CARNS1: variants seen among roughly 807,000 people sequenced by gnomAD.
The protein encoded by CARNS1 is ATP-grasp domain containing 1.
A neutral mutation model predicts 74.0 loss-of-function variants in CARNS1; 61 were observed. The observed-to-expected ratio is 0.82, with a 90% CI of 0.67 to 1.02. The LOEUF (loss-of-function observed/expected upper bound fraction) is 1.02. Ranked by LOEUF, CARNS1 falls within the 50% of genes least tolerant of loss-of-function variation. The pLI, the probability that CARNS1 is intolerant of heterozygous loss-of-function variation, is 0.00. For missense variants in CARNS1, 1,278 were observed against 1,308.4 expected (o/e 0.98, Z 0.36); for synonymous variants, 568 against 605.5 (o/e 0.94, Z 0.91).
Position 67,424,269 on chromosome 11 carries a change from G to A in CARNS1, c.2521G>A (p.Val841Met). ...GVDLLLAAVM[V>M]ACGLRPALPT... ...TGACCTGCTGCTGGCTGCTGTTATG[G>A]TGGCCTGTGGCTTGCGTCCTGCCCT... Residue 841 changes from valine to methionine, a missense_variant, in exon 10 of 10, where the codon GTG becomes ATG. Coordinates refer to ENST00000687366, the MANE Select transcript of CARNS1 (RefSeq NM_001166222.2). 1 of 1,613,372 alleles carries A rather than the reference G, an allele frequency of 6.2e-7. No individual in the cohort carries two copies.
Position 67,424,861 on chromosome 11 carries a change from C to CCCCACACACACACACA in CARNS1, c.*261_*262insCCACACACACACACAC, listed in dbSNP as rs112155556. 1.2e-5 allele frequency: 6 copies of CCCCACACACACACACA among 508,874 alleles called. No homozygotes were observed. Among genetic ancestry groups the CCCCACACACACACACA allele is most frequent in the African/African-American group, 1.1e-4 (5 of 47,592 alleles). The allele number at this position is 508,874 out of a possible 1,614,324, so 31.5% of individuals were successfully genotyped here. ...TCTAGCCTTGGAGAAATGACAATGG[C>CCCCACACACACACACA]CACACACACACACACACACACACAC... is the stretch of plus-strand genomic sequence containing the variant. On this transcript the variant is annotated 3_prime_UTR_variant, in exon 10 of 10. Coordinates refer to ENST00000687366, the MANE Select transcript of CARNS1 (RefSeq NM_001166222.2).
chr11:67,419,161 G>C lies in CARNS1; in HGVS notation c.770G>C (p.Ser257Thr). 1 of 1,553,448 alleles carries C rather than the reference G, an allele frequency of 6.4e-7. No individual in the cohort carries two copies. The highest frequency in any genetic ancestry group is 8.7e-7 in the Non-Finnish European group (1 of 1,145,774). The stretch of plus-strand genomic sequence containing the variant: ...CTAGGGCTACGGCTGGTGGAGCTGA[G>C]TGGCAAAGAGGGCCAGGAGACGCTG... ...ASLGLRLVEL[S>T]GKEGQETLVK... The change falls in exon 5 of 10, where the codon AGT (serine) becomes ACT (threonine). Residue 257 changes from serine to threonine, a missense_variant. Transcript: ENST00000687366.
At position 67,419,523 on chromosome 11, in the gene CARNS1, C is replaced by T. The variant is rs765868422; in HGVS notation, c.889C>T (p.Arg297Trp). The T allele has an allele frequency of 1.7e-5, 28 of 1,609,404 alleles. No homozygotes were observed. The highest frequency in any genetic ancestry group is 2.2e-5 in the East Asian group (1 of 44,802). Reference sequence around the variant, plus strand: ...GCTCAGTGGCTGGCGCTGGCGGGGGCGGCAGGCATGGCGTCTGCACCCGCG... The same window carrying T: ...GCTCAGTGGCTGGCGCTGGCGGGGGTGGCAGGCATGGCGTCTGCACCCGCG... ...VKLSGWRWRG[R>W]QAWRLHPRAE... Residue 297 changes from arginine (R) to tryptophan (W), a missense_variant, in exon 6 of 10, where the codon CGG becomes TGG. Arg to Trp is a moderately radical substitution (Grantham distance 101, BLOSUM62 -3). Around this residue, in one of 3 missense-constraint regions of CARNS1, gnomAD observed 1,164 missense variants for 1,156.5 expected, o/e 1.01. Transcript: ENST00000687366.
rs909496600 is a variant in CARNS1 at position 67,425,357 on chromosome 11, C to T, written c.*756C>T. ...GCCCATTCAGCTTCTAGGCCCCCCT[C>T]ACCTCCCTGCCCTCATTCACAAGTG... On this transcript the variant is annotated 3_prime_UTR_variant, in exon 10 of 10. Coordinates refer to ENST00000687366, the MANE Select transcript of CARNS1 (RefSeq NM_001166222.2). 23 of 321,284 alleles carry T rather than the reference C, an allele frequency of 7.2e-5. No individual in the cohort carries two copies. Among genetic ancestry groups the T allele is most frequent in the Middle Eastern group, 2.4e-3 (2 of 850 alleles). 19.9% of individuals were successfully genotyped at this position (321,284 alleles called of 1,614,324 possible).
rs983626142 is a variant in CARNS1, at chr11:67,417,424, G to A, written c.21G>A (p.Ser7=). 94 of 1,389,046 alleles carry A rather than the reference G, an allele frequency of 6.8e-5. No individual in the cohort carries two copies. Among genetic ancestry groups the A allele is most frequent in the Middle Eastern group, 1.8e-4 (1 of 5,446 alleles). 86.0% of individuals were successfully genotyped at this position (1,389,046 alleles called of 1,614,324 possible). A position where few individuals can be genotyped will look rare whatever the true frequency, so the allele number is the denominator to read the frequency against. Reference sequence around the variant, plus strand: ...CCTCTCAGCTCTCCCTGGATCCATCGGGTCCCGAGTGGGATTGCCCACTGG... The same window carrying A: ...CCTCTCAGCTCTCCCTGGATCCATCAGGTCCCGAGTGGGATTGCCCACTGG... The part of the protein sequence containing the change: MLSLDP[S]GPEWDCPLGS... The change falls in exon 3 of 10, where the codon TCG becomes TCA. Residue 7 remains serine (S), a synonymous_variant. Coordinates refer to ENST00000687366, the MANE Select transcript of CARNS1 (RefSeq NM_001166222.2).
intron 7 of CARNS1, among the ~76,000 whole-genome samples, chr11:67,420,322 T>TAGGGTGGGGCACACC (rs1257582192): frequency 2.6e-5 from 4 of 151,462 alleles, no homozygotes; most frequent in Non-Finnish European, 5.9e-5. Context: ...AGGGAGATGC[T>TAGGGTGGGGCACACC]AGGGTGGGGC....
At chr11:67,420,881 C>A in intron 8 of CARNS1, 41 bp downstream of exon 8, 1 of 1,305,366 alleles carries the variant, frequency 7.7e-7, no homozygotes, top group Non-Finnish European at 9.7e-7. Context: ...GAGCCGAGGG[C>A]CAGGGGCTGG....
At position 67,420,665 on chromosome 11, in the gene CARNS1, G is replaced by C; in HGVS notation, c.1170G>C (p.Pro390=). The C allele has an allele frequency of 7.9e-7, 1 of 1,259,142 alleles. No homozygotes were observed. Among genetic ancestry groups the C allele is most frequent in the Non-Finnish European group, 1.0e-6 (1 of 1,003,970 alleles). The allele number at this position is 1,259,142 out of a possible 1,614,324, so 78.0% of individuals were successfully genotyped here. The change falls in exon 8 of 10, where the codon CCG becomes CCC. Residue 390 remains proline, a synonymous_variant. Transcript: ENST00000687366. The stretch of plus-strand genomic sequence containing the variant: ...CTCTACGGCACCACAACTCCCTGCC[G>C]AGGACGCTGGAGGTGGCGCTGGCCC... ...DRPLRHHNSL[P]RTLEVALAQC...
chr11:67,415,910 A>C, intron 1 of CARNS1, 147 bp downstream of exon 1: 2 of 287,948 alleles, frequency 6.9e-6, no homozygotes, highest in Non-Finnish European at 1.3e-5. Flanking sequence ...GGTGCCCCCA[A>C]CTCCCCCCCG....
rs775799244 is a variant in CARNS1, at chr11:67,423,821, G to A, written c.2073G>A (p.Ala691=). 21 of 1,609,256 alleles carry A rather than the reference G, an allele frequency of 1.3e-5. No individual in the cohort carries two copies. The highest frequency in any genetic ancestry group is 1.6e-4 in the Middle Eastern group (1 of 6,078). The part of the protein sequence containing the change: ...GAVGVRLVED[A]PQCHEHFSRI... ...TGGGTGTCCGGCTGGTAGAGGATGC[G>A]CCACAGTGCCATGAGCACTTTTCCC... The change falls in exon 10 of 10, where the codon GCG becomes GCA. Residue 691 remains alanine, a synonymous_variant. Coordinates refer to ENST00000687366, the MANE Select transcript of CARNS1 (RefSeq NM_001166222.2). The surrounding 1 kb of genome is among the most constrained non-coding windows in gnomAD (Gnocchi z 5.1).
In CARNS1 at chr11:67,417,519, C is replaced by A; in HGVS notation, c.116C>A (p.Pro39His). Residue 39 changes from proline (P) to histidine (H), a missense_variant, in exon 3 of 10, where the codon CCT becomes CAT. Physicochemically the swap from Pro to His is moderately conservative, Grantham distance 77 (BLOSUM62 -2). Transcript: ENST00000687366. ...GSGLPPTGCF[P>H]GSWRQDVGLD... is the part of the protein sequence containing the mutation. ...GGCCTGCCGCCCACAGGCTGCTTCC[C>A]TGGCTCCTGGCGCCAGGACGTGGGC... 7.0e-7 allele frequency: 1 copy of A among 1,425,318 alleles called. No homozygotes were observed. Among genetic ancestry groups the A allele is most frequent in the Admixed American group, 2.9e-5 (1 of 34,068 alleles). 88.3% of individuals were successfully genotyped at this position (1,425,318 alleles called of 1,614,324 possible).
chr11:67,418,537 GT>G lies in CARNS1; in HGVS notation c.364+20del. On this transcript the variant is annotated intron_variant, in intron 4 of 9. Transcript: ENST00000687366. ...AGAGCCCGGGTGAGTGTATGCTCAA[GT>G]TTCCCCATCCCCTTCTACAGAAAGG... The G allele has an allele frequency of 6.5e-7, 1 of 1,527,336 alleles. No individual in the cohort carries two copies. 94.6% of individuals were successfully genotyped at this position (1,527,336 alleles called of 1,614,324 possible).
Position 67,424,715 on chromosome 11 carries a change from C to A in CARNS1, c.*114C>A. 8.2e-7 allele frequency: 1 copy of A among 1,219,534 alleles called. No individual in the cohort carries two copies. 75.5% of individuals were successfully genotyped at this position (1,219,534 alleles called of 1,614,324 possible). On this transcript the variant is annotated 3_prime_UTR_variant, in exon 10 of 10. Transcript: ENST00000687366. ...TCACCATGCCCCAGCCCCAGCCTGG[C>A]CCGCTGCAATGCCTAGGTCTGTTCC... is the stretch of plus-strand genomic sequence containing the variant.
chr11:67,421,954 C>T (rs1206677176), intron 9 of CARNS1, among the ~76,000 whole-genome samples: 1 of 151,122 alleles, frequency 6.6e-6, no homozygotes, highest in Non-Finnish European at 1.5e-5. Context: ...GTGGCGTGAT[C>T]TCGGCTCACT....
In CARNS1 at chr11:67,424,709, G is replaced by T; in HGVS notation, c.*108G>T. ...TCCCCATCACCATGCCCCAGCCCCA[G>T]CCTGGCCCGCTGCAATGCCTAGGTC... On this transcript the variant is annotated 3_prime_UTR_variant, in exon 10 of 10. Transcript: ENST00000687366. 2.4e-6 allele frequency: 3 copies of T among 1,255,942 alleles called. No individual in the cohort carries two copies. Among genetic ancestry groups the T allele is most frequent in the Non-Finnish European group, 3.2e-6 (3 of 928,800 alleles). The allele number at this position is 1,255,942 out of a possible 1,614,324, so 77.8% of individuals were successfully genotyped here. A position where few individuals can be genotyped will look rare whatever the true frequency, so the allele number is the denominator to read the frequency against.
At position 67,419,633 on chromosome 11, in the gene CARNS1, GTACCCACC is replaced by G; in HGVS notation, c.1001_1008del (p.Tyr334CysfsTer29). Reference sequence around the variant, plus strand: ...AGGAGAGTGTCCTGGTGGAGGCTGTGTACCCACCTGCCCAGCTGCCCTGCTCAGGTGAG... The same window carrying G: ...AGGAGAGTGTCCTGGTGGAGGCTGTGTGCCCAGCTGCCCTGCTCAGGTGAG... On this transcript the variant is annotated frameshift_variant, in exon 6 of 10. Transcript: ENST00000687366. LOFTEE classifies it high-confidence loss of function. 2.5e-6 allele frequency: 4 copies of G among 1,599,294 alleles called. No homozygotes were observed. The highest frequency in any genetic ancestry group is 3.4e-6 in the Non-Finnish European group (4 of 1,174,166).
chr11:67,421,155 T>TGGTCGGCGCTGGC lies in CARNS1; in HGVS notation c.1565_1577dup (p.Val527ArgfsTer43). On this transcript the variant is annotated frameshift_variant, in exon 9 of 10. Coordinates refer to ENST00000687366, the MANE Select transcript of CARNS1 (RefSeq NM_001166222.2). LOFTEE classifies it high-confidence loss of function. ...CTCATGGAGGGAAAACAGCTGCTGG[T>TGGTCGGCGCTGGC]GGTCGGCGCTGGCGGCGTCAGCAAG... 1 of 1,492,442 alleles carries TGGTCGGCGCTGGC rather than the reference T, an allele frequency of 6.7e-7. No homozygotes were observed. 92.4% of individuals were successfully genotyped at this position (1,492,442 alleles called of 1,614,324 possible). A position where few individuals can be genotyped will look rare whatever the true frequency, so the allele number is the denominator to read the frequency against.
intron 5 of CARNS1, 91 bp downstream of exon 5, chr11:67,419,334 C>A: frequency 6.8e-7 from 1 of 1,470,524 alleles, no homozygotes; most frequent in Non-Finnish European, 9.0e-7. Context: ...AAAGGTGTCC[C>A]TACCTCTTAG....
intron 2 of CARNS1, chr11:67,417,149 GA>G: frequency 8.3e-7 from 1 of 1,206,590 alleles, no homozygotes. Context: ...GCAGGGGCGG[GA>G]GGGGCTGGCT....
Sources: allele counts gnomAD v4.1 joint callset (sites outside exome capture counted in the v4.1 genomes callset), GRCh38; gene constraint gnomAD v4.1.1; regional missense constraint gnomAD v4.1.1; non-coding constraint Gnocchi (gnomAD v3.1); transcripts MANE v1.5; gene names NCBI Gene and HGNC (gene_info 2026-07-23, HGNC 2026-07-21).